SV2C: variants seen among roughly 807,000 people sequenced by gnomAD.
The protein encoded by SV2C is solute carrier family 22 member B3.
Under a neutral mutation model 79.7 loss-of-function variants are expected in SV2C, and 49 were observed. The observed-to-expected ratio is 0.61, with a 90% confidence interval of 0.49 to 0.78. SV2C has a LOEUF of 0.78. Among genes scored for constraint, SV2C ranks in the 30% least tolerant of loss-of-function variants. The pLI, the probability that SV2C is intolerant of heterozygous loss-of-function variation, is 0.00. For synonymous variants in SV2C, 334 were observed against 333.2 expected (o/e 1.00, Z -0.03); for missense variants, 833 against 912.9 (o/e 0.91, Z 1.13).
At chr5:75,918,914 C>T in the SV2C span, among the ~76,000 whole-genome samples, 3 of 152,180 alleles carry the variant, frequency 2.0e-5, no homozygotes, top group Non-Finnish European at 2.9e-5. Context: ...CAGGGTAGTA[C>T]GTATGTGAAG....
chr5:76,121,257 T>C (rs1233662163), intron 1 of SV2C, among the ~76,000 whole-genome samples: 1 of 152,206 alleles, frequency 6.6e-6, no homozygotes. Flanking sequence ...CATTGTAGAT[T>C]CTGGATATTA....
chr5:76,267,608 A>G (rs537095551), intron 4 of SV2C, among the ~76,000 whole-genome samples: 48 of 152,392 alleles, frequency 3.1e-4, no homozygotes, highest in African/African-American at 1.1e-3. Flanking sequence ...ACAAATATGT[A>G]GAACAGGTGA....
chr5:76,247,426 C>T (rs1745977588), intron 4 of SV2C, among the ~76,000 whole-genome samples: 1 of 152,204 alleles, frequency 6.6e-6, no homozygotes, highest in South Asian at 2.1e-4. Context: ...CTTTCCCTTT[C>T]CATATCTAGG....
intron 4 of SV2C, among the ~76,000 whole-genome samples, chr5:76,267,285 C>T (rs781558109): frequency 4.6e-5 from 7 of 151,916 alleles, no homozygotes; most frequent in Middle Eastern, 3.2e-3. Flanking sequence ...GTGTGGGTAC[C>T]GGAAAATATT....
At chr5:76,024,373 T>C in the SV2C span, among the ~76,000 whole-genome samples, 1 of 152,348 alleles carries the variant, frequency 6.6e-6, no homozygotes, top group South Asian at 2.1e-4. Flanking sequence ...GTCCCAATGT[T>C]GCTTTGATGT....
the SV2C span, among the ~76,000 whole-genome samples, chr5:75,931,466 G>A: frequency 7.9e-5 from 12 of 152,312 alleles, no homozygotes; most frequent in Admixed American, 2.0e-4. Flanking sequence ...TTGTAACTGC[G>A]TGTAACTTTG....
chr5:76,023,409 T>C, the SV2C span, among the ~76,000 whole-genome samples: 1 of 152,138 alleles, frequency 6.6e-6, no homozygotes, highest in African/African-American at 2.4e-5. Context: ...AGGTCAATGG[T>C]ATTTGATCCA....
chr5:76,193,369 G>A (rs1744165949), intron 2 of SV2C, among the ~76,000 whole-genome samples: 1 of 152,084 alleles, frequency 6.6e-6, no homozygotes, highest in African/African-American at 2.4e-5. Flanking sequence ...TAGGAATCTT[G>A]GTTAACCTGC....
chr5:76,097,059 A>G (rs1225455241), intron 1 of SV2C, among the ~76,000 whole-genome samples: 1 of 152,096 alleles, frequency 6.6e-6, no homozygotes, highest in Non-Finnish European at 1.5e-5. Context: ...TCTTAACCCT[A>G]GACTCAGAGC....
intron 1 of SV2C, among the ~76,000 whole-genome samples, chr5:76,107,871 G>A (rs1246402249): frequency 6.6e-6 from 1 of 152,044 alleles, no homozygotes; most frequent in Admixed American, 6.6e-5. Context: ...ACAAAAGCAA[G>A]TTTATTAACA....
intron 12 of SV2C, among the ~76,000 whole-genome samples, chr5:76,351,804 C>T (rs1277875257): frequency 1.3e-5 from 2 of 152,132 alleles, no homozygotes; most frequent in East Asian, 3.9e-4. Context: ...CCTGTGGACC[C>T]GGTATACAAA....
the SV2C span, among the ~76,000 whole-genome samples, chr5:76,012,308 G>T: frequency 6.6e-6 from 1 of 152,112 alleles, no homozygotes; most frequent in African/African-American, 2.4e-5. Flanking sequence ...ATTCTAACTG[G>T]TGTGAGATGG....
chr5:76,325,453 A>C lies in SV2C; in HGVS notation c.2090A>C (p.Lys697Thr), dbSNP rs2112566121. The C allele has an allele frequency of 6.2e-7, 1 of 1,614,138 alleles. No homozygotes were observed. The highest frequency in any genetic ancestry group is 2.2e-5 in the East Asian group (1 of 44,888). The change falls in exon 13 of 13, where the codon AAA (lysine) becomes ACA (threonine). Residue 697 changes from lysine (K) to threonine (T), a missense_variant. Lys to Thr is a moderately conservative substitution (Grantham distance 78). Coordinates refer to ENST00000502798, the MANE Select transcript of SV2C (RefSeq NM_014979.4). Reference protein sequence around the residue: ...LIFGSLVSITKSIPILLASTV... With the variant: ...LIFGSLVSITTSIPILLASTV... Reference sequence around the variant, plus strand: ...TTTGGCTCTCTGGTCAGCATCACCAAATCAATCCCCATCCTGCTGGCTTCT... The same window carrying C: ...TTTGGCTCTCTGGTCAGCATCACCACATCAATCCCCATCCTGCTGGCTTCT...
Position 76,232,812 on chromosome 5 carries a change from A to G in SV2C, c.913+22925A>G, listed in dbSNP as rs1424666960. ...CATTGATCTATATCTCTGTTTTGGT[A>G]CCAGTACCATGCTGTTTTGGTTACT... On this transcript the variant is annotated intron_variant, in intron 4 of 12. Coordinates refer to ENST00000502798, the MANE Select transcript of SV2C (RefSeq NM_014979.4). Among the ~76,000 whole-genome samples, 5 of 143,472 alleles carry G rather than the reference A, an allele frequency of 3.5e-5. No individual in the cohort carries two copies. In the South Asian group the frequency reaches 6.3e-4, roughly 18 times the overall value. 94.1% of individuals were successfully genotyped at this position (143,472 alleles called of 152,430 possible).
intron 12 of SV2C, among the ~76,000 whole-genome samples, chr5:76,311,967 C>T (rs1748457960): frequency 6.6e-6 from 1 of 152,190 alleles, no homozygotes; most frequent in South Asian, 2.1e-4. Context: ...AATTTTCCCT[C>T]ATCTCTTGAA....
intron 1 of SV2C, among the ~76,000 whole-genome samples, chr5:76,099,240 T>G (rs1336709129): frequency 6.6e-6 from 1 of 152,118 alleles, no homozygotes; most frequent in African/African-American, 2.4e-5. Flanking sequence ...ATTTAAAAAT[T>G]GTATGATCTT....
At chr5:76,115,905 T>A (rs918223248) in intron 1 of SV2C, among the ~76,000 whole-genome samples, 8 of 152,208 alleles carry the variant, frequency 5.3e-5, no homozygotes, top group African/African-American at 1.9e-4. Context: ...TCATTGCCAT[T>A]CTCTGCCTGA....
chr5:76,351,755 T>C (rs1749646160), intron 12 of SV2C, among the ~76,000 whole-genome samples: 3 of 152,320 alleles, frequency 2.0e-5, no homozygotes, highest in African/African-American at 7.2e-5. Flanking sequence ...AGCACCTTGC[T>C]GTAATAGCTC....
the SV2C span, chr5:76,076,067 C>A: frequency 1.3e-5 from 2 of 152,450 alleles, no homozygotes; most frequent in South Asian, 2.1e-4. Flanking sequence ...TTTGGTTGTG[C>A]TATGGAATGA....
Sources: gnomAD v4.1 joint callset for allele counts (sites outside exome capture counted in the v4.1 genomes callset) on GRCh38, gnomAD v4.1.1 for gene constraint, MANE v1.5 for transcripts, NCBI Gene and HGNC (gene_info 2026-07-23, HGNC 2026-07-21) for gene names.